Variants in LRIG1 observed in about 807,000 individuals in gnomAD.
LRIG1 encodes leucine-rich repeats and immunoglobulin-like domains protein 1.
A neutral mutation model predicts 99.2 loss-of-function variants in LRIG1; 48 were observed. The observed-to-expected ratio is 0.48, with a 90% CI of 0.38 to 0.62. The LOEUF is 0.62. Among genes scored for constraint, LRIG1 ranks in the 20% least tolerant of loss-of-function variants. The pLI, the probability that LRIG1 is intolerant of heterozygous loss-of-function variation, is 0.00. For synonymous variants in LRIG1, 772 were observed against 596.1 expected (o/e 1.29, Z -4.30); for missense variants, 1,646 against 1,434.4 (o/e 1.15, Z -2.38).
At chr3:66,404,139 T>C (rs1211208889) in intron 9 of LRIG1, 5 of 728,764 alleles carry the variant, frequency 6.9e-6, no homozygotes, top group East Asian at 6.5e-5. Context: ...CAACAGAGCT[T>C]ATTCCTAAGC....
At chr3:66,427,174 G>C (rs1208027907) in intron 3 of LRIG1, among the ~76,000 whole-genome samples, 1 of 152,164 alleles carries the variant, frequency 6.6e-6, no homozygotes, top group African/African-American at 2.4e-5. Context: ...TGCCCATCAT[G>C]GTGCTGCACT....
At chr3:66,416,520 T>C (rs1265752036) in intron 4 of LRIG1, among the ~76,000 whole-genome samples, 1 of 152,216 alleles carries the variant, frequency 6.6e-6, no homozygotes, top group Non-Finnish European at 1.5e-5. Context: ...AAGTAGTTGA[T>C]TAAGTAGGTT....
intron 1 of LRIG1, among the ~76,000 whole-genome samples, chr3:66,491,227 C>T (rs1312805450): frequency 6.6e-6 from 1 of 152,224 alleles, no homozygotes; most frequent in East Asian, 1.9e-4. Context: ...AGACTCATGA[C>T]TTAACTACAA....
intron 16 of LRIG1, 140 bp from the exon 17 acceptor site, chr3:66,381,771 AG>A (rs1701082814): frequency 2.2e-6 from 2 of 924,824 alleles, no homozygotes; most frequent in Non-Finnish European, 3.2e-6. Context: ...TGGTCTGGCA[AG>A]CAGCGTGTTT....
At chr3:66,419,032 A>G (rs535111864) in intron 3 of LRIG1, among the ~76,000 whole-genome samples, 3 of 152,318 alleles carry the variant, frequency 2.0e-5, no homozygotes, top group East Asian at 3.9e-4. Context: ...TTTATTATGT[A>G]AAGTATGGGA....
intron 9 of LRIG1, among the ~76,000 whole-genome samples, chr3:66,399,299 G>T (rs770312722): frequency 6.6e-6 from 1 of 152,106 alleles, no homozygotes; most frequent in Non-Finnish European, 1.5e-5. Flanking sequence ...TGCATGTGCC[G>T]TCTGGCCTAA....
intron 7 of LRIG1, among the ~76,000 whole-genome samples, 181 bp from the exon 8 acceptor site, chr3:66,407,672 C>G (rs1019562423): frequency 1.3e-5 from 2 of 152,220 alleles, no homozygotes; most frequent in African/African-American, 4.8e-5. Flanking sequence ...AGTGGCCATG[C>G]AGCTAGAAAC....
At position 66,439,748 on chromosome 3, in the gene LRIG1, G is replaced by A. The variant is rs1459615749; in HGVS notation, c.365+11811C>T. Among the ~76,000 whole-genome samples, 3 of 152,150 alleles carry A rather than the reference G, an allele frequency of 2.0e-5. No homozygotes were observed. The South Asian group carries it at 6.2e-4, about 32-fold the overall frequency. On this transcript the variant is annotated intron_variant, in intron 3 of 18. Coordinates refer to ENST00000273261, the MANE Select transcript of LRIG1 (RefSeq NM_015541.3). ...ATGACAGTTGGGTGGGCTATCAGAAGAAAGAATGACCCAGATAAGGGGCAA... is the reference window on the plus strand; with the variant it reads ...ATGACAGTTGGGTGGGCTATCAGAAAAAAGAATGACCCAGATAAGGGGCAA...
At position 66,463,667 on chromosome 3, in the gene LRIG1, T is replaced by A. The variant is rs564343889; in HGVS notation, c.219-1158A>T. Among the ~76,000 whole-genome samples, 5 of 152,248 alleles carry A rather than the reference T, an allele frequency of 3.3e-5. No homozygotes were observed. In the South Asian group the frequency reaches 6.2e-4, roughly 19 times the overall value. Reference sequence around the variant, plus strand: ...CCCAGCCCCGTGTTTGCCAAAGAGGTTAACATTTTTCATCTCAGCTATTAA... The same window carrying A: ...CCCAGCCCCGTGTTTGCCAAAGAGGATAACATTTTTCATCTCAGCTATTAA... On this transcript the variant is annotated intron_variant, in intron 1 of 18. Coordinates refer to ENST00000273261, the MANE Select transcript of LRIG1 (RefSeq NM_015541.3).
chr3:66,493,873 CGAA>C (rs1221695662), intron 1 of LRIG1, among the ~76,000 whole-genome samples: 2 of 104,850 alleles, frequency 1.9e-5, no homozygotes, highest in Non-Finnish European at 3.6e-5. Flanking sequence ...GGAAGAAAGA[CGAA>C]GGGAGGGAGG....
intron 3 of LRIG1, 73 bp from the exon 4 acceptor site, chr3:66,417,339 AC>A: frequency 6.8e-7 from 1 of 1,461,960 alleles, no homozygotes; most frequent in Non-Finnish European, 9.4e-7. Context: ...GTATTCCTGC[AC>A]CCCACCCCCC....
intron 3 of LRIG1, among the ~76,000 whole-genome samples, chr3:66,448,948 C>T (rs1160429893): frequency 2.0e-5 from 3 of 152,312 alleles, no homozygotes; most frequent in Non-Finnish European, 4.4e-5. Flanking sequence ...TTACAGAACA[C>T]GTGACACCCT....
intron 1 of LRIG1, among the ~76,000 whole-genome samples, chr3:66,466,467 T>C (rs1213755971): frequency 2.6e-5 from 4 of 152,270 alleles, no homozygotes; most frequent in African/African-American, 9.6e-5. Flanking sequence ...ATGATGTTGC[T>C]ATCAACATTG....
chr3:66,382,480 G>C (rs1475819097), intron 15 of LRIG1, 82 bp from the exon 16 acceptor site: 6 of 1,534,018 alleles, frequency 3.9e-6, no homozygotes, highest in Non-Finnish European at 5.4e-6. Flanking sequence ...AGCTCAGAAA[G>C]GGGATCCTCC....
chr3:66,385,521 C>G (rs544211665), intron 13 of LRIG1, among the ~76,000 whole-genome samples: 1 of 152,186 alleles, frequency 6.6e-6, no homozygotes, highest in South Asian at 2.1e-4. Flanking sequence ...GGAGTGATCT[C>G]GGCTCACTGC....
At chr3:66,408,939 T>TGTGTGTGTGTGTGC (rs1702368597) in intron 7 of LRIG1, among the ~76,000 whole-genome samples, 1 of 106,850 alleles carries the variant, frequency 9.4e-6, no homozygotes, top group Admixed American at 1.1e-4. Flanking sequence ...TGTGTGTGTG[T>TGTGTGTGTGTGTGC]GTGTGTGTGT....
intron 3 of LRIG1, among the ~76,000 whole-genome samples, chr3:66,435,883 A>G (rs1020091035): frequency 6.6e-6 from 1 of 152,176 alleles, no homozygotes; most frequent in Non-Finnish European, 1.5e-5. Flanking sequence ...AATCAGATGG[A>G]AAGTCTGGGG....
intron 2 of LRIG1, among the ~76,000 whole-genome samples, chr3:66,461,119 T>C (rs532140186): frequency 6.6e-6 from 1 of 152,258 alleles, no homozygotes; most frequent in East Asian, 1.9e-4. Flanking sequence ...AAGACCAGCC[T>C]GACCAACATG....
chr3:66,382,466 G>T, intron 15 of LRIG1, 68 bp from the exon 16 acceptor site: 2 of 1,578,524 alleles, frequency 1.3e-6, no homozygotes, highest in African/African-American at 1.4e-5. Context: ...CACGTTCACT[G>T]TCAAGCTCAG....
Sources: allele counts gnomAD v4.1 joint callset (sites outside exome capture counted in the v4.1 genomes callset), GRCh38; gene constraint gnomAD v4.1.1; transcripts MANE v1.5; gene names NCBI Gene and HGNC (gene_info 2026-07-23, HGNC 2026-07-21).